TBXAS1: variants seen among roughly 807,000 people sequenced by gnomAD.
The protein encoded by TBXAS1 is thromboxane A synthase 1, also known as thromboxane-A synthase.
A neutral mutation model predicts 60.7 loss-of-function variants in TBXAS1; 48 were observed. That is an observed-to-expected ratio of 0.79 (90% CI 0.63 to 1.01). The LOEUF (loss-of-function observed/expected upper bound fraction) is 1.01. Among genes scored for constraint, TBXAS1 ranks in the 50% least tolerant of loss-of-function variants. TBXAS1 has a pLI of 0.00. For synonymous variants in TBXAS1, 287 were observed against 269.7 expected, an observed-to-expected ratio of 1.06 and a Z score of -0.63; for missense variants, 685 against 686.3, an observed-to-expected ratio of 1.00 and a Z score of 0.02.
rs73480031 is a variant in TBXAS1 at position 139,880,958 on chromosome 7, A to C, written c.236+5321A>C. On this transcript the variant is annotated intron_variant, in intron 3 of 12. Transcript: ENST00000448866. ...ATGTCCCTCCCATACTTGTCATTAA[A>C]ATGTGTGGTCACAATTTTAAATCTT... 1.9e-3 allele frequency among the ~76,000 whole-genome samples: 282 copies of C among 152,318 alleles called. 1 individual carries two copies. The highest frequency in any genetic ancestry group is 6.6e-3 in the African/African-American group (274 of 41,572).
intron 4 of TBXAS1, among the ~76,000 whole-genome samples, chr7:139,800,539 T>C (rs1011447850): frequency 6.6e-6 from 1 of 152,196 alleles, no homozygotes; most frequent in Non-Finnish European, 1.5e-5. Flanking sequence ...TTTATTTCCT[T>C]CATACCTTTT....
chr7:139,799,613 T>C (rs557778196), intron 4 of TBXAS1, among the ~76,000 whole-genome samples: 1 of 152,246 alleles, frequency 6.6e-6, no homozygotes, highest in East Asian at 1.9e-4. Context: ...CCCTTTGGCT[T>C]CCCAAAGTGC....
At chr7:139,997,856 C>T (rs906574884) in intron 9 of TBXAS1, among the ~76,000 whole-genome samples, 3 of 152,166 alleles carry the variant, frequency 2.0e-5, no homozygotes, top group African/African-American at 7.2e-5. Flanking sequence ...CCTCATGACC[C>T]GGCAGTGCCA....
At chr7:139,984,093 C>A (rs189137505) in intron 9 of TBXAS1, among the ~76,000 whole-genome samples, 1 of 152,314 alleles carries the variant, frequency 6.6e-6, no homozygotes, top group East Asian at 1.9e-4. Flanking sequence ...GGGCCCACCT[C>A]CCTGGCTTAA....
intron 3 of TBXAS1, among the ~76,000 whole-genome samples, chr7:139,784,659 A>G (rs1459284634): frequency 6.6e-6 from 1 of 152,248 alleles, no homozygotes. Flanking sequence ...GACAGTGGTC[A>G]GGAATGACGC....
intron 4 of TBXAS1, among the ~76,000 whole-genome samples, chr7:139,793,596 C>A (rs1300093536): frequency 2.6e-5 from 4 of 151,988 alleles, no homozygotes; most frequent in East Asian, 1.9e-4. Flanking sequence ...ATTTGATGGA[C>A]TTTTAGGGGA....
chr7:139,792,601 A>G lies in TBXAS1; in HGVS notation c.-80+5175A>G, dbSNP rs567663064. 3.3e-5 allele frequency among the ~76,000 whole-genome samples: 5 copies of G among 152,358 alleles called. No individual in the cohort carries two copies. The East Asian group carries it at 5.8e-4, about 18-fold the overall frequency. On this transcript the variant is annotated intron_variant, in intron 4 of 16. Coordinates refer to the TBXAS1 transcript ENST00000336425. ...CAGGTGGTTATTCTTGAGGGACTGC[A>G]TGAAGCACAGTTGGACAAATAGCCA... is the stretch of plus-strand genomic sequence containing the variant.
At chr7:139,949,005 A>C (rs984564224) in intron 5 of TBXAS1, among the ~76,000 whole-genome samples, 5 of 152,210 alleles carry the variant, frequency 3.3e-5, no homozygotes, top group Non-Finnish European at 7.3e-5. Context: ...CATTAACCCA[A>C]ATAAAAATGT....
chr7:139,800,215 A>C (rs1307812288), intron 4 of TBXAS1, among the ~76,000 whole-genome samples: 1 of 152,144 alleles, frequency 6.6e-6, no homozygotes, highest in Non-Finnish European at 1.5e-5. Flanking sequence ...TAAAAATGCA[A>C]ATCAGGTTGT....
intron 4 of TBXAS1, among the ~76,000 whole-genome samples, chr7:139,817,908 A>G (rs1269431784): frequency 6.6e-6 from 1 of 152,178 alleles, no homozygotes; most frequent in Admixed American, 6.5e-5. Flanking sequence ...GGTGCCACCT[A>G]CCTTCATAAC....
intron 9 of TBXAS1, among the ~76,000 whole-genome samples, chr7:139,979,519 G>A (rs558692191): frequency 1.3e-5 from 2 of 152,048 alleles, no homozygotes; most frequent in East Asian, 3.9e-4. Flanking sequence ...CTGAGGTCAG[G>A]AGTTTGAGAC....
chr7:139,961,487 T>C (rs1049342084), intron 8 of TBXAS1, among the ~76,000 whole-genome samples: 2 of 152,202 alleles, frequency 1.3e-5, no homozygotes, highest in African/African-American at 4.8e-5. Context: ...CATTATGAAC[T>C]GTTGGGTGGG....
At chr7:139,874,740 C>T (rs1249809518) in intron 2 of TBXAS1, among the ~76,000 whole-genome samples, 1 of 152,154 alleles carries the variant, frequency 6.6e-6, no homozygotes, top group Non-Finnish European at 1.5e-5. Flanking sequence ...CCATTCCCAC[C>T]ACACAATGGA....
At chr7:139,793,788 C>T (rs1417932071) in intron 4 of TBXAS1, among the ~76,000 whole-genome samples, 2 of 152,228 alleles carry the variant, frequency 1.3e-5, no homozygotes, top group Non-Finnish European at 2.9e-5. Flanking sequence ...TTTTCGCATT[C>T]ATGATTCAGA....
upstream of TBXAS1, among the ~76,000 whole-genome samples, chr7:139,825,785 A>G (rs960591744): frequency 6.6e-6 from 1 of 152,204 alleles, no homozygotes; most frequent in Admixed American, 6.5e-5. Context: ...AGGCTTGGTC[A>G]GTGTTTCTCA....
At chr7:139,926,695 G>C (rs894096140) in intron 4 of TBXAS1, among the ~76,000 whole-genome samples, 14 of 149,404 alleles carry the variant, frequency 9.4e-5, no homozygotes, top group Admixed American at 8.0e-4. Flanking sequence ...TGCTTTTTTA[G>C]TTCTCTAAGA....
intron 2 of TBXAS1, 54 bp downstream of exon 2, chr7:139,872,382 C>G (rs752839814): frequency 4.6e-5 from 71 of 1,553,354 alleles, no homozygotes; most frequent in African/African-American, 6.8e-5. Context: ...GGGCCAGGCA[C>G]AGTGGCTCAT....
chr7:139,950,869 GGGACCCCCTCGCCCTCCATCTACA>G lies in TBXAS1; in HGVS notation c.451-2492_451-2469del, dbSNP rs1569518159. Among the ~76,000 whole-genome samples, 61 of 140,178 alleles carry G rather than the reference GGGACCCCCTCGCCCTCCATCTACA, an allele frequency of 4.4e-4. 11 individuals are homozygous for G. The highest frequency in any genetic ancestry group is 7.0e-4 in the South Asian group (3 of 4,290). The allele number at this position is 140,178 out of a possible 152,430, so 92.0% of individuals were successfully genotyped here. A position where few individuals can be genotyped will look rare whatever the true frequency, so the allele number is the denominator to read the frequency against. The stretch of plus-strand genomic sequence containing the variant: ...CGGGACCCCCTCGCCCTCCATCTAC[GGGACCCCCTCGCCCTCCATCTACA>G]GGACCCACTCCTTCAGCAGAGGAGT... On this transcript the variant is annotated intron_variant, in intron 5 of 12. Coordinates refer to ENST00000448866, the MANE Select transcript of TBXAS1 (RefSeq NM_001061.7).
chr7:139,897,344 G>T (rs982293943), intron 3 of TBXAS1, among the ~76,000 whole-genome samples: 4 of 151,490 alleles, frequency 2.6e-5, no homozygotes, highest in African/African-American at 9.7e-5. Context: ...GGGTGGGGAG[G>T]GGGACCGGGG....
Sources: allele counts gnomAD v4.1 joint callset (sites outside exome capture counted in the v4.1 genomes callset), GRCh38; gene constraint gnomAD v4.1.1; transcripts MANE v1.5; gene names NCBI Gene and HGNC (gene_info 2026-07-23, HGNC 2026-07-21).